COL22A1: variants seen among roughly 807,000 people sequenced by gnomAD.
COL22A1 encodes collagen type XXII alpha 1 chain.
Under a neutral mutation model 248.9 loss-of-function variants are expected in COL22A1, and 221 were observed. The observed-to-expected ratio is 0.89, with a 90% confidence interval of 0.80 to 0.99. The LOEUF is 0.99. COL22A1 is among the 50% of genes least tolerant of loss of function. The probability of loss-of-function intolerance (pLI) is 0.00; values close to 1 mark genes in which losing one functional copy is unlikely to be tolerated. For synonymous variants in COL22A1, 891 were observed against 793.4 expected (o/e 1.12, Z -2.07); for missense variants, 2,240 against 2,179.0 (o/e 1.03, Z -0.56).
intron 32 of COL22A1, among the ~76,000 whole-genome samples, chr8:138,697,100 C>T (rs1827566933): frequency 6.6e-6 from 1 of 152,130 alleles, no homozygotes. Context: ...GAGAAGGACT[C>T]CAGATGCTCA....
At chr8:138,732,847 C>A (rs1830811131) in intron 23 of COL22A1, among the ~76,000 whole-genome samples, 1 of 152,138 alleles carries the variant, frequency 6.6e-6, no homozygotes, top group Non-Finnish European at 1.5e-5. Flanking sequence ...ACCTAATTAT[C>A]ATTAGTAAAG....
intron 45 of COL22A1, 89 bp downstream of exon 45, chr8:138,655,808 G>C: frequency 9.1e-7 from 1 of 1,100,096 alleles, no homozygotes; most frequent in Non-Finnish European, 1.4e-6. Flanking sequence ...CCAAATAGTT[G>C]TTCAAAAAAA....
At chr8:138,847,652 T>C (rs1045987064) in intron 3 of COL22A1, among the ~76,000 whole-genome samples, 1 of 152,190 alleles carries the variant, frequency 6.6e-6, no homozygotes, top group Non-Finnish European at 1.5e-5. Flanking sequence ...GTTTCCTTGA[T>C]GTAAGGGATA....
In COL22A1 at chr8:138,821,197, T is replaced by C; in HGVS notation, c.1184A>G (p.Asn395Ser). 6.2e-7 allele frequency: 1 copy of C among 1,614,200 alleles called. No homozygotes were observed. Among genetic ancestry groups the C allele is most frequent in the Non-Finnish European group, 8.5e-7 (1 of 1,180,030 alleles). ...VQTLPIEERE[N>S]IDIQGKTVIG... ...CACAGTCTTGCCCTGGATGTCAATGTTCTCCCGTTCCTCGATGGGTAGTGT... is the reference window on the plus strand; with the variant it reads ...CACAGTCTTGCCCTGGATGTCAATGCTCTCCCGTTCCTCGATGGGTAGTGT... The change falls in exon 7 of 65, where the codon AAC becomes AGC. Residue 395 changes from asparagine to serine, a missense_variant. Asn to Ser is a conservative substitution (Grantham distance 46). Coordinates refer to ENST00000303045, the MANE Select transcript of COL22A1 (RefSeq NM_152888.3).
At chr8:138,814,450 CCT>C (rs1818508008) in intron 7 of COL22A1, among the ~76,000 whole-genome samples, 1 of 151,952 alleles carries the variant, frequency 6.6e-6, no homozygotes, top group African/African-American at 2.4e-5. Flanking sequence ...TCTGTGTGTC[CCT>C]CTCTCTCTCA....
At chr8:138,834,347 G>GAAAAAAAAAAAAAA in intron 4 of COL22A1, among the ~76,000 whole-genome samples, 1 of 128,640 alleles carries the variant, frequency 7.8e-6, no homozygotes, top group Middle Eastern at 4.2e-3. Context: ...AAGAGAAAAA[G>GAAAAAAAAAAAAAA]AAAAAAAAAA....
intron 1 of COL22A1, among the ~76,000 whole-genome samples, chr8:138,894,504 C>A (rs183943185): frequency 2.8e-4 from 42 of 152,190 alleles, no homozygotes; most frequent in African/African-American, 9.9e-4. Context: ...GTGAGGGGAC[C>A]AGATGAAGAG....
intron 51 of COL22A1, among the ~76,000 whole-genome samples, chr8:138,625,388 T>C (rs1450535653): frequency 6.6e-6 from 1 of 152,112 alleles, no homozygotes; most frequent in Non-Finnish European, 1.5e-5. Flanking sequence ...GTTGGGGGAC[T>C]GTAGACAGTA....
At chr8:138,676,388 T>C (rs112348015) in intron 41 of COL22A1, among the ~76,000 whole-genome samples, 170 bp downstream of exon 41, 531 of 34,412 alleles carry the variant, frequency 0.015, 2 homozygotes, top group African/African-American at 0.032. Flanking sequence ...ACTGCGAGAC[T>C]CCATCTCAAA....
chr8:138,748,744 C>A (rs1350771518), intron 22 of COL22A1, among the ~76,000 whole-genome samples: 1 of 152,188 alleles, frequency 6.6e-6, no homozygotes, highest in Non-Finnish European at 1.5e-5. Context: ...CAGATCAGGC[C>A]AAGCACCATT....
intron 35 of COL22A1, among the ~76,000 whole-genome samples, chr8:138,691,284 T>C (rs1265383920): frequency 6.6e-6 from 1 of 152,202 alleles, no homozygotes; most frequent in East Asian, 1.9e-4. Flanking sequence ...TGCATATGTA[T>C]GTGTATGTGT....
intron 45 of COL22A1, among the ~76,000 whole-genome samples, chr8:138,650,715 TAGAC>T (rs775173671): frequency 1.4e-5 from 2 of 145,136 alleles, no homozygotes; most frequent in Non-Finnish European, 3.0e-5. Flanking sequence ...GATAGATAGA[TAGAC>T]AGATAGACAG....
At chr8:138,639,129 A>T (rs1365499524) in intron 47 of COL22A1, among the ~76,000 whole-genome samples, 11 of 152,136 alleles carry the variant, frequency 7.2e-5, no homozygotes, top group Non-Finnish European at 1.5e-5. Context: ...ATATGTCTTT[A>T]TTCTCTTATT....
intron 3 of COL22A1, among the ~76,000 whole-genome samples, chr8:138,845,982 A>G (rs994084875): frequency 3.2e-4 from 49 of 152,192 alleles, no homozygotes; most frequent in African/African-American, 9.7e-4. Flanking sequence ...ATTTGAGGGT[A>G]TAAGTGTCTC....
At chr8:138,896,845 T>G (rs995621262) in intron 1 of COL22A1, among the ~76,000 whole-genome samples, 32 of 151,926 alleles carry the variant, frequency 2.1e-4, no homozygotes, top group African/African-American at 7.0e-4. Flanking sequence ...TGGTGGTGAG[T>G]GCCTGTAATC....
At chr8:138,592,726 A>G (rs975896472) in intron 63 of COL22A1, among the ~76,000 whole-genome samples, 7 of 140,466 alleles carry the variant, frequency 5.0e-5, no homozygotes, top group Non-Finnish European at 1.0e-4. Flanking sequence ...CCCCATGCTT[A>G]TTCCTAATCG....
Position 138,593,074 on chromosome 8 carries a change from G to C in COL22A1, c.4615+943C>G, listed in dbSNP as rs369434662. On this transcript the variant is annotated intron_variant, in intron 63 of 64. Coordinates refer to ENST00000303045, the MANE Select transcript of COL22A1 (RefSeq NM_152888.3). ...GAGTTCATGTCCTTTGCAGGAACAC[G>C]GATGAAGATGGAAGCCATGATTCTC... is the stretch of plus-strand genomic sequence containing the variant. Among the ~76,000 whole-genome samples the C allele has an allele frequency of 4.5e-4, 68 of 152,218 alleles. 1 individual carries two copies. Among genetic ancestry groups the C allele is most frequent in the African/African-American group, 1.5e-3 (61 of 41,522 alleles).
chr8:138,779,393 G>T (rs1351316535), intron 14 of COL22A1, 116 bp downstream of exon 14: 2 of 676,054 alleles, frequency 3.0e-6, no homozygotes, highest in African/African-American at 1.8e-5. Flanking sequence ...GCAGTTATAT[G>T]AGAAGAGGGG....
intron 4 of COL22A1, among the ~76,000 whole-genome samples, chr8:138,839,813 CT>C: frequency 6.6e-6 from 1 of 152,324 alleles, no homozygotes; most frequent in East Asian, 1.9e-4. Flanking sequence ...AGTAGCTAAA[CT>C]TCTAGAAAAG....
Sources: gnomAD v4.1 joint callset for allele counts (sites outside exome capture counted in the v4.1 genomes callset) on GRCh38, gnomAD v4.1.1 for gene constraint, MANE v1.5 for transcripts, NCBI Gene and HGNC (gene_info 2026-07-23, HGNC 2026-07-21) for gene names.